Variants in AKAP13 observed in about 807,000 individuals in gnomAD.
The protein encoded by AKAP13 is A-kinase anchoring protein 13.
A neutral mutation model predicts 264.5 loss-of-function variants in AKAP13; 80 were observed. That is an observed-to-expected ratio of 0.30 (90% confidence interval 0.25 to 0.36). The LOEUF is 0.36. Among genes scored for constraint, AKAP13 ranks in the 10% least tolerant of loss-of-function variants. The probability of loss-of-function intolerance (pLI) is 1.00; values close to 1 mark genes in which losing one functional copy is unlikely to be tolerated. For missense variants in AKAP13, 3,712 were observed against 3,435.2 expected, an observed-to-expected ratio of 1.08 and a Z score of -2.01; for synonymous variants, 1,380 against 1,250.2, an observed-to-expected ratio of 1.10 and a Z score of -2.19.
intron 1 of AKAP13, among the ~76,000 whole-genome samples, chr15:85,422,969 G>A (rs917026243): frequency 6.6e-6 from 1 of 152,184 alleles, no homozygotes; most frequent in Non-Finnish European, 1.5e-5. Context: ...TTGTTTCCCG[G>A]TGCATATGTT....
At chr15:85,533,280 A>G (rs1267458849) in intron 3 of AKAP13, among the ~76,000 whole-genome samples, 2 of 152,318 alleles carry the variant, frequency 1.3e-5, no homozygotes, top group Admixed American at 6.5e-5. Context: ...TTCAAATTGA[A>G]TAGCCCTTGT....
chr15:85,637,667 T>C (rs1307071215), intron 8 of AKAP13, among the ~76,000 whole-genome samples: 1 of 152,110 alleles, frequency 6.6e-6, no homozygotes, highest in Non-Finnish European at 1.5e-5. Flanking sequence ...TGCTTTGGGT[T>C]AATTTCCTCC....
intron 1 of AKAP13, among the ~76,000 whole-genome samples, chr15:85,387,335 T>TA (rs1246204481): frequency 6.6e-6 from 1 of 151,638 alleles, no homozygotes; most frequent in Non-Finnish European, 1.5e-5. Context: ...GAGTCCGTCT[T>TA]AAAAAAACAA....
chr15:85,670,268 G>A (rs2083849581), intron 14 of AKAP13, among the ~76,000 whole-genome samples: 1 of 151,744 alleles, frequency 6.6e-6, no homozygotes, highest in South Asian at 2.1e-4. Flanking sequence ...GATTTTTTCT[G>A]AAACACTTGA....
intron 10 of AKAP13, among the ~76,000 whole-genome samples, chr15:85,652,494 C>G (rs962836937): frequency 6.6e-6 from 1 of 152,128 alleles, no homozygotes; most frequent in Non-Finnish European, 1.5e-5. Flanking sequence ...TTAGAACAGG[C>G]TTGTTATACA....
chr15:85,626,380 T>A (rs2081411445), intron 8 of AKAP13, among the ~76,000 whole-genome samples: 1 of 152,222 alleles, frequency 6.6e-6, no homozygotes, highest in African/African-American at 2.4e-5. Flanking sequence ...AAACTGGAAT[T>A]CTTTACCTGT....
At chr15:85,710,325 T>G in intron 18 of AKAP13, 1 of 364,512 alleles carries the variant, frequency 2.7e-6, no homozygotes, top group South Asian at 4.9e-5. Flanking sequence ...TAAATCGTCT[T>G]AAAGGGGAAG....
chr15:85,732,094 A>AC (rs1464400459), intron 30 of AKAP13, among the ~76,000 whole-genome samples: 1 of 152,058 alleles, frequency 6.6e-6, no homozygotes, highest in East Asian at 1.9e-4. Context: ...AAAAAAAAAA[A>AC]AAAACGTTTG....
intron 14 of AKAP13, among the ~76,000 whole-genome samples, chr15:85,674,770 T>G (rs759192416): frequency 7.9e-5 from 12 of 152,168 alleles, no homozygotes; most frequent in Non-Finnish European, 1.3e-4. Flanking sequence ...GGATATTTTA[T>G]CTCTGTTTTC....
intron 1 of AKAP13, among the ~76,000 whole-genome samples, chr15:85,472,056 A>G (rs4551990): frequency 2.0e-5 from 3 of 151,804 alleles, no homozygotes; most frequent in Non-Finnish European, 4.4e-5. Context: ...CAGGCCTTAC[A>G]CATTTCATTA....
chr15:85,743,900 T>C, intron 36 of AKAP13, 75 bp downstream of exon 36: 5 of 1,493,322 alleles, frequency 3.3e-6, no homozygotes, highest in Non-Finnish European at 4.5e-6. Context: ...TTTAGTGGCA[T>C]GGGGCGGGGT....
intron 2 of AKAP13, among the ~76,000 whole-genome samples, chr15:85,494,247 T>A (rs984162844): frequency 4.6e-5 from 7 of 152,090 alleles, no homozygotes; most frequent in African/African-American, 1.7e-4. Flanking sequence ...ACCTAGCAAC[T>A]AGACTCCAGA....
intron 10 of AKAP13, 43 bp downstream of exon 10, chr15:85,645,997 G>T: frequency 6.3e-7 from 1 of 1,595,584 alleles, no homozygotes; most frequent in Non-Finnish European, 8.5e-7. Context: ...CACGGCTTTT[G>T]TGTTCCTATT....
intron 14 of AKAP13, 142 bp downstream of exon 14, chr15:85,669,972 C>CA (rs2083823622): frequency 2.1e-6 from 1 of 473,922 alleles, no homozygotes; most frequent in African/African-American, 2.0e-5. Context: ...AGCACTTAAA[C>CA]AGAAAAGGTG....
chr15:85,726,621 C>T, intron 27 of AKAP13, 135 bp downstream of exon 27: 2 of 694,382 alleles, frequency 2.9e-6, no homozygotes, highest in Non-Finnish European at 4.7e-6. Flanking sequence ...AGTAATTTCC[C>T]ACATGCCCTC....
intron 16 of AKAP13, among the ~76,000 whole-genome samples, chr15:85,685,993 G>A (rs1031595970): frequency 8.5e-5 from 13 of 152,244 alleles, no homozygotes; most frequent in Non-Finnish European, 1.5e-4. Flanking sequence ...CTGATTCCCA[G>A]TGCTAAACCA....
chr15:85,415,084 T>A (rs1567045514), intron 1 of AKAP13: 1 of 600,528 alleles, frequency 1.7e-6, no homozygotes, highest in East Asian at 2.8e-5. Context: ...GAAGTTACTC[T>A]GAAAATTCAT....
intron 9 of AKAP13, among the ~76,000 whole-genome samples, chr15:85,645,467 T>C (rs1596871915): frequency 6.6e-6 from 1 of 152,092 alleles, no homozygotes; most frequent in Admixed American, 6.5e-5. Flanking sequence ...AGAAAAAAAA[T>C]GCCCTCACTA....
At chr15:85,697,971 C>T (rs571969795) in intron 17 of AKAP13, among the ~76,000 whole-genome samples, 1 of 152,270 alleles carries the variant, frequency 6.6e-6, no homozygotes, top group South Asian at 2.1e-4. Flanking sequence ...CATACAAAAG[C>T]AGTTTGTCAA....
Sources: gnomAD v4.1 joint callset for allele counts (sites outside exome capture counted in the v4.1 genomes callset) on GRCh38, gnomAD v4.1.1 for gene constraint, MANE v1.5 for transcripts, NCBI Gene and HGNC (gene_info 2026-07-23, HGNC 2026-07-21) for gene names.